Variants in ZNF563 observed in about 807,000 individuals in gnomAD.
The protein encoded by ZNF563 is zinc finger protein 563.
ZNF563 carries 39 observed loss-of-function variants against 48.5 expected under a neutral mutation model. That is an observed-to-expected ratio of 0.80 (90% CI 0.62 to 1.05). The LOEUF (loss-of-function observed/expected upper bound fraction) is 1.05, where lower values mean the gene tolerates loss of function less well. Among genes scored for constraint, ZNF563 ranks in the 50% least tolerant of loss-of-function variants. ZNF563 has a pLI of 0.00. For missense variants in ZNF563, 538 were observed against 597.0 expected, an observed-to-expected ratio of 0.90 and a Z score of 1.03; for synonymous variants, 168 against 187.9, an observed-to-expected ratio of 0.89 and a Z score of 0.87.
intron 1 of ZNF563, among the ~76,000 whole-genome samples, chr19:12,332,236 C>T (rs1968936935): frequency 6.6e-6 from 1 of 150,930 alleles, no homozygotes; most frequent in African/African-American, 2.4e-5. Flanking sequence ...CAGGGGAAAG[C>T]AGAAAGATAA....
intron 1 of ZNF563, among the ~76,000 whole-genome samples, chr19:12,331,023 A>G (rs1434993862): frequency 1.3e-5 from 2 of 152,336 alleles, no homozygotes; most frequent in Admixed American, 6.5e-5. Context: ...AAAACTTACT[A>G]CACAGGCTCT....
chr19:12,327,208 TC>T (rs1209254011), intron 1 of ZNF563, among the ~76,000 whole-genome samples: 1 of 152,106 alleles, frequency 6.6e-6, no homozygotes, highest in Non-Finnish European at 1.5e-5. Context: ...AAGCCTGTAA[TC>T]CCAGTACTTT....
chr19:12,337,810 T>A (rs1313360107), upstream of ZNF563, among the ~76,000 whole-genome samples: 2 of 152,104 alleles, frequency 1.3e-5, no homozygotes, highest in East Asian at 3.9e-4. Flanking sequence ...TATATTAGTG[T>A]AAAAACTCAG....
chr19:12,324,720 GAAAAAAAAAAAA>G (rs61639995), intron 1 of ZNF563, among the ~76,000 whole-genome samples: 2 of 56,792 alleles, frequency 3.5e-5, no homozygotes, highest in Admixed American at 4.1e-4. Flanking sequence ...TCCGTCTCAA[GAAAAAAAAAAAA>G]AAAAAAAAAA....
rs999474597 is a variant in ZNF563 at position 12,329,485 on chromosome 19, A to G, written c.3+3995T>C. Among the ~76,000 whole-genome samples, 184 of 151,534 alleles carry G rather than the reference A, an allele frequency of 1.2e-3. 2 individuals carry two copies. Among genetic ancestry groups the G allele is most frequent in the Non-Finnish European group, 4.1e-4 (28 of 67,864 alleles). On this transcript the variant is annotated intron_variant, in intron 1 of 3. Coordinates refer to ENST00000293725, the MANE Select transcript of ZNF563 (RefSeq NM_145276.3). ...AAGACTCCATCTCAAAAAAAAAAAA[A>G]AAAAGAAAAGAAAACATCAACAAAC...
chr19:12,335,430 C>T (rs6511787), upstream of ZNF563, among the ~76,000 whole-genome samples: 112,721 of 152,194 alleles, frequency 0.74, 43,048 homozygotes, highest in African/African-American at 0.94. Context: ...CTTTGTTTGA[C>T]TGCAGGTCAG....
intron 1 of ZNF563, among the ~76,000 whole-genome samples, chr19:12,325,469 CAA>C (rs36079909): frequency 3.6e-4 from 30 of 83,370 alleles, no homozygotes; most frequent in African/African-American, 7.6e-4. Flanking sequence ...GACTCCATCT[CAA>C]AAAAAAAAAA....
In ZNF563 at chr19:12,318,445, T is replaced by C; in HGVS notation, c.*149A>G. 5.6e-6 allele frequency: 5 copies of C among 890,342 alleles called. No individual in the cohort carries two copies. The highest frequency in any genetic ancestry group is 1.8e-5 in the South Asian group (1 of 55,138). The allele number at this position is 890,342 out of a possible 1,614,324, so 55.2% of individuals were successfully genotyped here. On this transcript the variant is annotated 3_prime_UTR_variant, in exon 4 of 4. Transcript: ENST00000293725. ...CATTCCTTATATCATACAGCATCTCTCCAGTGTGAGATATTTCATGATTTT... is the reference window on the plus strand; with the variant it reads ...CATTCCTTATATCATACAGCATCTCCCCAGTGTGAGATATTTCATGATTTT...
chr19:12,331,675 C>T (rs951530151), intron 1 of ZNF563, among the ~76,000 whole-genome samples: 9 of 152,222 alleles, frequency 5.9e-5, no homozygotes, highest in Non-Finnish European at 1.2e-4. Context: ...GAGGCCCCAG[C>T]CCTGCATCTC....
At chr19:12,340,145 G>C in the ZNF563 span, among the ~76,000 whole-genome samples, 1 of 152,106 alleles carries the variant, frequency 6.6e-6, no homozygotes, top group Admixed American at 6.6e-5. Flanking sequence ...GGTCAGCCAG[G>C]CCAACATGGC....
the ZNF563 span, among the ~76,000 whole-genome samples, chr19:12,341,859 A>G: frequency 8.5e-5 from 13 of 152,304 alleles, 1 homozygote; most frequent in South Asian, 2.3e-3. Context: ...AGCAAAACAG[A>G]CAGACATAAT....
chr19:12,337,231 C>G (rs374387482), upstream of ZNF563, among the ~76,000 whole-genome samples: 7 of 152,192 alleles, frequency 4.6e-5, no homozygotes, highest in African/African-American at 1.7e-4. Context: ...GAGACGAGCT[C>G]TCGCTCCATC....
chr19:12,319,754 T>C lies in ZNF563; in HGVS notation c.271A>G (p.Ile91Val), dbSNP rs1968557858. 6.2e-7 allele frequency: 1 copy of C among 1,614,190 alleles called. No homozygotes were observed. The highest frequency in any genetic ancestry group is 1.7e-5 in the Admixed American group (1 of 60,012). The change falls in exon 4 of 4, where the codon ATT (isoleucine) becomes GTT (valine). Residue 91 changes from isoleucine (I) to valine (V), a missense_variant. Transcript: ENST00000293725. ...GETFSLIRDS[I>V]VNNSICPGED... The stretch of plus-strand genomic sequence containing the variant: ...CCAGGACAAATGCTGTTGTTCACAA[T>C]ACTATCTCGAATGAGGCTAAATGTT...
the ZNF563 span, among the ~76,000 whole-genome samples, chr19:12,342,926 G>A: frequency 3.9e-5 from 6 of 151,944 alleles, no homozygotes; most frequent in Non-Finnish European, 5.9e-5. Context: ...GCCTGGGTGC[G>A]GTGGGTTACA....
chr19:12,344,573 T>G, the ZNF563 span, among the ~76,000 whole-genome samples: 1 of 152,172 alleles, frequency 6.6e-6, no homozygotes, highest in Non-Finnish European at 1.5e-5. Flanking sequence ...AGAAACTTCC[T>G]TAATAGGAAA....
Position 12,333,479 on chromosome 19 carries a change from C to CACGCA in ZNF563, c.3_3+1insTGCGT (p.Asp2CysfsTer12). 4 of 1,613,434 alleles carry CACGCA rather than the reference C, an allele frequency of 2.5e-6. No individual in the cohort carries two copies. Among genetic ancestry groups the CACGCA allele is most frequent in the Non-Finnish European group, 3.4e-6 (4 of 1,179,680 alleles). The stretch of plus-strand genomic sequence containing the variant: ...TGGGACGCCTGACCCTGCACACGCA[C>CACGCA]CATTTCCCGGCTTCCGGGATGTTCC... On this transcript the variant is annotated frameshift_variant and splice_region_variant. Coordinates refer to ENST00000293725, the MANE Select transcript of ZNF563 (RefSeq NM_145276.3). LOFTEE classifies it high-confidence loss of function.
upstream of ZNF563, among the ~76,000 whole-genome samples, chr19:12,335,154 A>C (rs568366348): frequency 1.3e-5 from 2 of 152,268 alleles, no homozygotes; most frequent in African/African-American, 4.8e-5. Flanking sequence ...CAATACCCCA[A>C]AAAGAAGACC....
intron 1 of ZNF563, 129 bp from the exon 2 acceptor site, chr19:12,322,840 A>G: frequency 9.8e-7 from 1 of 1,025,514 alleles, no homozygotes; most frequent in Non-Finnish European, 1.3e-6. Flanking sequence ...AAACTCTCTC[A>G]TATTCTCTTT....
At chr19:12,332,702 G>T (rs910329045) in intron 1 of ZNF563, among the ~76,000 whole-genome samples, 1 of 152,096 alleles carries the variant, frequency 6.6e-6, no homozygotes, top group Non-Finnish European at 1.5e-5. Context: ...GCTGACAGAG[G>T]AATGCAAGTT....
Sources: gnomAD v4.1 joint callset for allele counts (sites outside exome capture counted in the v4.1 genomes callset) on GRCh38, gnomAD v4.1.1 for gene constraint, MANE v1.5 for transcripts, NCBI Gene and HGNC (gene_info 2026-07-23, HGNC 2026-07-21) for gene names.